Variants in ADAM9 observed in about 807,000 individuals in gnomAD.
The protein encoded by ADAM9 is disintegrin and metalloproteinase domain-containing protein 9.
ADAM9 carries 54 observed loss-of-function variants against 108.1 expected under a neutral mutation model. That is an observed-to-expected ratio of 0.50 (90% CI 0.40 to 0.63). The LOEUF is 0.63. ADAM9 is among the 20% of genes least tolerant of loss of function. The probability of loss-of-function intolerance (pLI) is 0.00; values close to 1 mark genes in which losing one functional copy is unlikely to be tolerated. For synonymous variants in ADAM9, 316 were observed against 336.0 expected, an observed-to-expected ratio of 0.94 and a Z score of 0.65; for missense variants, 830 against 997.7, an observed-to-expected ratio of 0.83 and a Z score of 2.26.
intron 7 of ADAM9, among the ~76,000 whole-genome samples, chr8:39,019,746 G>A (rs938596866): frequency 6.6e-6 from 1 of 151,772 alleles, no homozygotes; most frequent in Non-Finnish European, 1.5e-5. Context: ...CAGTTTTGAG[G>A]TTTTTTTTGG....
intron 14 of ADAM9, among the ~76,000 whole-genome samples, chr8:39,064,683 CTTCT>C (rs1469540444): frequency 6.6e-6 from 1 of 152,132 alleles, no homozygotes; most frequent in East Asian, 1.9e-4. Context: ...CCCATATTAC[CTTCT>C]TTCTTTGTTT....
intron 12 of ADAM9, among the ~76,000 whole-genome samples, chr8:39,046,967 C>T (rs1471645571): frequency 6.6e-6 from 1 of 152,066 alleles, no homozygotes; most frequent in East Asian, 1.9e-4. Context: ...AGGGGTTTTG[C>T]TACATTGCCT....
chr8:39,026,583 G>A (rs1836929949), intron 10 of ADAM9, 94 bp from the exon 11 acceptor site: 5 of 1,494,016 alleles, frequency 3.3e-6, no homozygotes, highest in Non-Finnish European at 4.6e-6. Flanking sequence ...CAACAGTGTA[G>A]TGAATAAATT....
At chr8:39,063,821 C>T (rs1838371576) in intron 14 of ADAM9, among the ~76,000 whole-genome samples, 1 of 152,162 alleles carries the variant, frequency 6.6e-6, no homozygotes, top group Non-Finnish European at 1.5e-5. Context: ...AGATCCAGTT[C>T]CTTATTGATC....
At chr8:39,045,736 T>C (rs562712456) in intron 12 of ADAM9, among the ~76,000 whole-genome samples, 34 of 152,274 alleles carry the variant, frequency 2.2e-4, no homozygotes, top group African/African-American at 7.0e-4. Flanking sequence ...TACCCAGTAG[T>C]GGAATTGCTG....
chr8:39,079,385 G>T (rs1031753780), intron 16 of ADAM9, among the ~76,000 whole-genome samples: 3 of 152,104 alleles, frequency 2.0e-5, no homozygotes, highest in Non-Finnish European at 4.4e-5. Flanking sequence ...GGGATTACAG[G>T]TGTGAGCCAC....
At chr8:39,096,376 T>C (rs548782976) in intron 20 of ADAM9, among the ~76,000 whole-genome samples, 8 of 152,178 alleles carry the variant, frequency 5.3e-5, no homozygotes, top group Non-Finnish European at 1.2e-4. Context: ...ATAAAATATT[T>C]TATAAATTTA....
chr8:39,059,455 T>C (rs989835108), intron 14 of ADAM9, among the ~76,000 whole-genome samples: 15 of 152,180 alleles, frequency 9.9e-5, no homozygotes, highest in Non-Finnish European at 2.1e-4. Context: ...AGGAAGTCCA[T>C]GATGCTGAGC....
In ADAM9 at chr8:39,073,576, CT is replaced by C. The variant is rs1160606775; in HGVS notation, c.1697+2174del. ...TGCTTGGAGGAAACATAATAAATGA[CT>C]ATTAAACATTGAATGAATGAAGGTA... On this transcript the variant is annotated intron_variant, in intron 15 of 21. Coordinates refer to ENST00000487273, the MANE Select transcript of ADAM9 (RefSeq NM_003816.3). 3.3e-5 allele frequency among the ~76,000 whole-genome samples: 5 copies of C among 152,150 alleles called. No homozygotes were observed. The East Asian group carries it at 9.7e-4, about 29-fold the overall frequency.
intron 12 of ADAM9, among the ~76,000 whole-genome samples, chr8:39,050,642 T>A (rs1339070852): frequency 1.3e-5 from 2 of 152,128 alleles, no homozygotes; most frequent in African/African-American, 4.8e-5. Flanking sequence ...TTTTTGGGCC[T>A]CTCAAACTTT....
intron 6 of ADAM9, 165 bp from the exon 7 acceptor site, chr8:39,018,688 G>GAT: frequency 1.5e-6 from 1 of 686,564 alleles, no homozygotes; most frequent in Non-Finnish European, 2.6e-6. Flanking sequence ...CTAAGAAGCA[G>GAT]ATAACACTTC....
chr8:39,007,205 G>C (rs140284857), intron 1 of ADAM9, among the ~76,000 whole-genome samples: 1 of 152,194 alleles, frequency 6.6e-6, no homozygotes, highest in African/African-American at 2.4e-5. Flanking sequence ...GGGGAGAGAG[G>C]CTCTTTTTAA....
chr8:39,027,494 A>G (rs1367420020), intron 11 of ADAM9, among the ~76,000 whole-genome samples: 7 of 152,212 alleles, frequency 4.6e-5, no homozygotes, highest in Non-Finnish European at 7.3e-5. Context: ...TTTGCAGATG[A>G]GGAAACTGAG....
intron 4 of ADAM9, chr8:39,014,451 A>G (rs888447464): frequency 4.5e-6 from 3 of 664,858 alleles, no homozygotes; most frequent in Non-Finnish European, 8.1e-6. Context: ...TATGTGTTCT[A>G]ATGTTCTAAA....
chr8:39,012,501 G>GT (rs1488249848), intron 3 of ADAM9, among the ~76,000 whole-genome samples: 2 of 152,182 alleles, frequency 1.3e-5, no homozygotes, highest in Non-Finnish European at 2.9e-5. Context: ...GCACACATAT[G>GT]TTTATTGCGG....
rs570376614 is a variant in ADAM9, at chr8:39,097,625, C to CT, written c.2299-4230dup. Among the ~76,000 whole-genome samples, 172 of 151,770 alleles carry CT rather than the reference C, an allele frequency of 1.1e-3. 1 individual carries two copies. The highest frequency in any genetic ancestry group is 1.7e-3 in the Non-Finnish European group (115 of 67,904). On this transcript the variant is annotated intron_variant, in intron 20 of 21. Transcript: ENST00000487273. ...TGGCCTGTTGTCTAGTATTTTAAGT[C>CT]TTTTTTTTAAAAAAATTCTACAATA...
chr8:39,028,309 G>A (rs1836989677), intron 11 of ADAM9, among the ~76,000 whole-genome samples: 1 of 152,054 alleles, frequency 6.6e-6, no homozygotes, highest in Admixed American at 6.6e-5. Flanking sequence ...ACAAATACTA[G>A]GCTCAAAAAT....
chr8:39,016,284 C>A, intron 5 of ADAM9, 90 bp downstream of exon 5: 1 of 1,196,606 alleles, frequency 8.4e-7, no homozygotes, highest in Non-Finnish European at 1.2e-6. Flanking sequence ...TCATTTTGGG[C>A]ACTTAGCAAA....
At chr8:39,031,729 G>A (rs1228851241) in intron 11 of ADAM9, among the ~76,000 whole-genome samples, 4 of 152,186 alleles carry the variant, frequency 2.6e-5, no homozygotes, top group African/African-American at 7.2e-5. Flanking sequence ...GAGAAGGGGC[G>A]CTCTGATTTT....
Sources: gnomAD v4.1 joint callset for allele counts (sites outside exome capture counted in the v4.1 genomes callset) on GRCh38, gnomAD v4.1.1 for gene constraint, MANE v1.5 for transcripts, NCBI Gene and HGNC (gene_info 2026-07-23, HGNC 2026-07-21) for gene names.